LHX8: variants seen among roughly 807,000 people sequenced by gnomAD.
LHX8 encodes the protein LIM homeobox 8.
In LHX8, 12 loss-of-function variants were observed where a neutral mutation model predicts 40.3. That is an observed-to-expected ratio of 0.30 (90% CI 0.19 to 0.48). The LOEUF is 0.48. LHX8 is among the 20% of genes least tolerant of loss of function. The pLI, the probability that LHX8 is intolerant of heterozygous loss-of-function variation, is 0.99. For synonymous variants in LHX8, 179 were observed against 162.0 expected (o/e 1.10, Z -0.80); for missense variants, 344 against 433.7 (o/e 0.79, Z 1.84).
Position 75,136,680 on chromosome 1 carries a change from A to G in LHX8, c.66A>G (p.Glu22=), listed in dbSNP as rs1648146966. Reference sequence around the variant, plus strand: ...GGAGGACTCGCAAAGGCGCCGGGGAAGAGGGACTGGTGAGTGCGGAGGGGC... The same window carrying G: ...GGAGGACTCGCAAAGGCGCCGGGGAGGAGGGACTGGTGAGTGCGGAGGGGC... ...AAGRTRKGAG[E]EGLVSPEGAG... The change falls in exon 2 of 9, where the codon GAA becomes GAG. Residue 22 remains glutamate, a synonymous_variant. Coordinates refer to ENST00000356261, the MANE Select transcript of LHX8 (RefSeq NM_001256114.2). 4.5e-6 allele frequency: 7 copies of G among 1,545,044 alleles called. No homozygotes were observed. Among genetic ancestry groups the G allele is most frequent in the African/African-American group, 1.4e-5 (1 of 72,958 alleles).
At chr1:75,167,580 A>C in the LHX8 span, among the ~76,000 whole-genome samples, 3 of 152,134 alleles carry the variant, frequency 2.0e-5, no homozygotes, top group East Asian at 5.8e-4. Context: ...CCCCACCCCA[A>C]TGTGGGTGAG....
upstream of LHX8, among the ~76,000 whole-genome samples, chr1:75,133,726 A>C (rs975702521): frequency 2.0e-5 from 3 of 152,180 alleles, no homozygotes; most frequent in African/African-American, 7.2e-5. Flanking sequence ...CCCGCCCCGC[A>C]GTCAGAACTT....
chr1:75,165,531 AGT>A (rs1649013870), downstream of LHX8, among the ~76,000 whole-genome samples: 2 of 152,230 alleles, frequency 1.3e-5, no homozygotes, highest in South Asian at 2.1e-4. Context: ...GGGGGCTGAG[AGT>A]GGAGTTTAGG....
the LHX8 span, among the ~76,000 whole-genome samples, chr1:75,188,521 G>T: frequency 6.6e-6 from 1 of 152,162 alleles, no homozygotes; most frequent in African/African-American, 2.4e-5. Context: ...TTTCTCATGG[G>T]CCACAGCTTC....
downstream of LHX8, among the ~76,000 whole-genome samples, chr1:75,165,723 C>T (rs970570563): frequency 2.6e-5 from 4 of 152,136 alleles, no homozygotes; most frequent in Admixed American, 2.0e-4. Flanking sequence ...GGTAGAAAAA[C>T]AATCAGAATA....
chr1:75,182,564 G>A, the LHX8 span, among the ~76,000 whole-genome samples: 2 of 151,772 alleles, frequency 1.3e-5, no homozygotes, highest in African/African-American at 4.8e-5. Flanking sequence ...GTAGAGACAG[G>A]GTTTCTCCAT....
At chr1:75,139,336 T>C (rs936262394) in intron 3 of LHX8, among the ~76,000 whole-genome samples, 4 of 152,242 alleles carry the variant, frequency 2.6e-5, no homozygotes, top group Non-Finnish European at 1.5e-5. Flanking sequence ...AAATGGAAGA[T>C]AAACAGACAT....
At chr1:75,164,726 C>CTTT (rs201120196), downstream of LHX8, among the ~76,000 whole-genome samples, 1 of 135,324 alleles carries the variant, frequency 7.4e-6, no homozygotes, top group African/African-American at 2.7e-5. Context: ...AACCAGTATC[C>CTTT]TTTTTTTTTT....
At chr1:75,178,980 G>GT in the LHX8 span, among the ~76,000 whole-genome samples, 56 of 152,282 alleles carry the variant, frequency 3.7e-4, 1 homozygote, top group African/African-American at 1.3e-3. Context: ...TAGTTGTGTG[G>GT]TTTTGAGTGA....
rs922675385 is a variant in LHX8 at position 75,148,831 on chromosome 1, T to G, written c.780+149T>G. ...GTAATGGGATTACAGGATGAGCCAC[T>G]GTACCTGGCCACAGGTGATTAACTT... On this transcript the variant is annotated intron_variant, in intron 7 of 8. Coordinates refer to ENST00000356261, the MANE Select transcript of LHX8 (RefSeq NM_001256114.2). 4 of 643,392 alleles carry G rather than the reference T, an allele frequency of 6.2e-6. No individual in the cohort carries two copies. In the African/African-American group the frequency reaches 7.4e-5, roughly 12 times the overall value. The allele number at this position is 643,392 out of a possible 1,614,324, so 39.9% of individuals were successfully genotyped here.
the LHX8 span, among the ~76,000 whole-genome samples, chr1:75,187,320 GA>G: frequency 5.9e-4 from 90 of 152,252 alleles, no homozygotes; most frequent in Non-Finnish European, 7.4e-4. Flanking sequence ...CTATTTATCA[GA>G]AAAAGTCCAG....
At chr1:75,130,187 C>G (rs567879275), upstream of LHX8, 1 of 160,090 alleles carries the variant, frequency 6.2e-6, no homozygotes, top group Admixed American at 5.8e-5. Context: ...TTAATTTCGG[C>G]GTGGTTCCTA....
the LHX8 span, among the ~76,000 whole-genome samples, chr1:75,168,231 T>A: frequency 0.017 from 2,618 of 152,278 alleles, 77 homozygotes; most frequent in African/African-American, 0.06. Flanking sequence ...TCTGTTTGTT[T>A]GTTTGTTTTA....
At chr1:75,129,834 G>C (rs1469557484), upstream of LHX8, 1 of 152,214 alleles carries the variant, frequency 6.6e-6, no homozygotes, top group African/African-American at 2.4e-5. Flanking sequence ...CGAACTCCAG[G>C]CTATATCTGC....
intron 3 of LHX8, 116 bp downstream of exon 3, chr1:75,137,377 T>C (rs1648179189): frequency 9.6e-7 from 1 of 1,041,208 alleles, no homozygotes; most frequent in Non-Finnish European, 1.4e-6. Flanking sequence ...GTGAAGGTTG[T>C]AGGCTTTTGC....
the LHX8 span, among the ~76,000 whole-genome samples, chr1:75,181,819 C>T: frequency 1.7e-4 from 26 of 152,228 alleles, no homozygotes; most frequent in South Asian, 8.3e-4. Context: ...TGTTCCTGTT[C>T]GGCCATCTTG....
intron 6 of LHX8, among the ~76,000 whole-genome samples, chr1:75,146,944 T>C (rs904704846): frequency 6.6e-6 from 1 of 152,126 alleles, no homozygotes; most frequent in Non-Finnish European, 1.5e-5. Context: ...CCTTACAAAA[T>C]CCCCAAATCT....
chr1:75,182,218 G>A, the LHX8 span, among the ~76,000 whole-genome samples: 1 of 152,036 alleles, frequency 6.6e-6, no homozygotes, highest in Admixed American at 6.6e-5. Context: ...TCTATATGTG[G>A]CTTGCCAATT....
chr1:75,172,622 C>T, the LHX8 span, among the ~76,000 whole-genome samples: 2 of 152,174 alleles, frequency 1.3e-5, no homozygotes, highest in African/African-American at 2.4e-5. Context: ...GACATATTTT[C>T]CTGAGCATCT....
Sources: gnomAD v4.1 joint callset for allele counts (sites outside exome capture counted in the v4.1 genomes callset) on GRCh38, gnomAD v4.1.1 for gene constraint, MANE v1.5 for transcripts, NCBI Gene and HGNC (gene_info 2026-07-23, HGNC 2026-07-21) for gene names.